The following KCNH8 variants were observed in gnomAD, a reference collection of about 807,000 sequenced individuals.
KCNH8 encodes the protein voltage-gated delayed rectifier potassium channel KCNH8.
Under a neutral mutation model 103.6 loss-of-function variants are expected in KCNH8, and 70 were observed. The ratio of observed to expected loss-of-function variants is 0.68; its 90% CI spans 0.56 to 0.82. The LOEUF (loss-of-function observed/expected upper bound fraction) is 0.82. Among genes scored for constraint, KCNH8 ranks in the 40% least tolerant of loss-of-function variants. The probability of loss-of-function intolerance (pLI) is 0.00; values close to 1 mark genes in which losing one functional copy is unlikely to be tolerated. For synonymous variants in KCNH8, 498 were observed against 489.4 expected, an observed-to-expected ratio of 1.02 and a Z score of -0.23; for missense variants, 1,217 against 1,329.9, an observed-to-expected ratio of 0.92 and a Z score of 1.32.
At chr3:19,512,131 T>C (rs1226186806) in intron 12 of KCNH8, among the ~76,000 whole-genome samples, 2 of 152,210 alleles carry the variant, frequency 1.3e-5, no homozygotes, top group Non-Finnish European at 2.9e-5. Context: ...AAGCCATGTC[T>C]GGGGCAAAGC....
chr3:19,480,048 T>C (rs2068056617), intron 11 of KCNH8, among the ~76,000 whole-genome samples: 1 of 152,224 alleles, frequency 6.6e-6, no homozygotes, highest in Non-Finnish European at 1.5e-5. Flanking sequence ...TTTAGTGTCT[T>C]ATGAGATTCC....
intron 3 of KCNH8, among the ~76,000 whole-genome samples, chr3:19,328,153 G>A (rs2065457159): frequency 6.6e-6 from 1 of 152,088 alleles, no homozygotes; most frequent in Non-Finnish European, 1.5e-5. Context: ...AATGCTTCAA[G>A]ATGTATTAAG....
At chr3:19,406,725 G>T (rs1298084325) in intron 7 of KCNH8, among the ~76,000 whole-genome samples, 1 of 152,090 alleles carries the variant, frequency 6.6e-6, no homozygotes, top group African/African-American at 2.4e-5. Flanking sequence ...GTTAGCATAA[G>T]AAAGGACTTT....
At chr3:19,444,798 C>T (rs550938035) in intron 8 of KCNH8, among the ~76,000 whole-genome samples, 7 of 151,800 alleles carry the variant, frequency 4.6e-5, no homozygotes, top group Admixed American at 4.6e-4. Flanking sequence ...AATTAGATAC[C>T]ATTTTTGTTC....
At chr3:19,326,416 G>A (rs1333772645) in intron 3 of KCNH8, among the ~76,000 whole-genome samples, 2 of 148,270 alleles carry the variant, frequency 1.3e-5, no homozygotes, top group Non-Finnish European at 3.0e-5. Flanking sequence ...GGAGGTAATG[G>A]TGTTGATATT....
At chr3:19,376,193 C>T (rs1035387517) in intron 5 of KCNH8, among the ~76,000 whole-genome samples, 49 of 152,240 alleles carry the variant, frequency 3.2e-4, no homozygotes, top group African/African-American at 1.2e-3. Context: ...CGCCCCTCCC[C>T]CAGCCTCGCT....
intron 3 of KCNH8, among the ~76,000 whole-genome samples, chr3:19,293,343 C>T (rs1157253508): frequency 6.6e-6 from 1 of 152,092 alleles, no homozygotes; most frequent in Non-Finnish European, 1.5e-5. Context: ...TTCCCCAAAC[C>T]CCTACAAGCA....
rs370681982 is a variant in KCNH8, at chr3:19,480,595, A to G, written c.2040+23613A>G. Reference sequence around the variant, plus strand: ...TGAGAGCTCTTATAGAAATGTCTTCATTCAGTAGAATAAAGACAACATTAG... The same window carrying G: ...TGAGAGCTCTTATAGAAATGTCTTCGTTCAGTAGAATAAAGACAACATTAG... On this transcript the variant is annotated intron_variant, in intron 11 of 15. Transcript: ENST00000328405. Among the ~76,000 whole-genome samples the G allele has an allele frequency of 3.9e-5, 6 of 152,374 alleles. No homozygotes were observed. The East Asian group carries it at 5.8e-4, about 15-fold the overall frequency.
At chr3:19,334,120 C>T (rs552876148) in intron 3 of KCNH8, among the ~76,000 whole-genome samples, 9 of 151,782 alleles carry the variant, frequency 5.9e-5, no homozygotes, top group East Asian at 2.0e-4. Context: ...ATTACAGTCC[C>T]GTATGGACCG....
chr3:19,305,189 A>G (rs2065114654), intron 3 of KCNH8, among the ~76,000 whole-genome samples: 1 of 152,202 alleles, frequency 6.6e-6, no homozygotes, highest in Non-Finnish European at 1.5e-5. Context: ...AGAAGACAGT[A>G]GAGCAATGTC....
intron 7 of KCNH8, among the ~76,000 whole-genome samples, chr3:19,412,586 A>G (rs1204395731): frequency 1.3e-5 from 2 of 152,126 alleles, no homozygotes; most frequent in African/African-American, 4.8e-5. Context: ...AACTACCAAC[A>G]GAATAAAAAG....
chr3:19,375,396 A>G (rs1275344647), intron 5 of KCNH8, among the ~76,000 whole-genome samples: 4 of 151,286 alleles, frequency 2.6e-5, no homozygotes, highest in Non-Finnish European at 4.4e-5. Flanking sequence ...AGTTGATTGC[A>G]TCGGCTCCTG....
chr3:19,363,707 G>T (rs189827522), intron 5 of KCNH8, among the ~76,000 whole-genome samples: 1 of 152,044 alleles, frequency 6.6e-6, no homozygotes, highest in Non-Finnish European at 1.5e-5. Flanking sequence ...CCCCAAAAAG[G>T]TACTTTAATT....
rs1387677666 is a variant in KCNH8 at position 19,258,943 on chromosome 3, CTCTCTATATATATATATA to C, written c.310+5058_310+5075del. 6.2e-4 allele frequency among the ~76,000 whole-genome samples: 33 copies of C among 53,420 alleles called. 1 individual carries two copies. Among genetic ancestry groups the C allele is most frequent in the Admixed American group, 2.2e-3 (11 of 4,948 alleles). 35.0% of individuals were successfully genotyped at this position (53,420 alleles called of 152,430 possible). A position where few individuals can be genotyped will look rare whatever the true frequency, so the allele number is the denominator to read the frequency against. ...TCTCTCTCTCTCTCTCTCTCTCTCT[CTCTCTATATATATATATA>C]TATATATATATATATATATATCTGG... On this transcript the variant is annotated intron_variant, in intron 2 of 15. Coordinates refer to ENST00000328405, the MANE Select transcript of KCNH8 (RefSeq NM_144633.3).
At chr3:19,378,546 T>G (rs2125122826) in intron 5 of KCNH8, among the ~76,000 whole-genome samples, 1 of 152,362 alleles carries the variant, frequency 6.6e-6, no homozygotes, top group East Asian at 1.9e-4. Context: ...GTATTTGTTC[T>G]TCGTTTCTTT....
intron 7 of KCNH8, among the ~76,000 whole-genome samples, chr3:19,410,550 G>A (rs2066760832): frequency 6.6e-6 from 1 of 151,684 alleles, no homozygotes; most frequent in Non-Finnish European, 1.5e-5. Flanking sequence ...AATCGGAGTG[G>A]AACTGAATAA....
chr3:19,405,070 T>G (rs544280804), intron 7 of KCNH8, among the ~76,000 whole-genome samples: 2 of 152,026 alleles, frequency 1.3e-5, no homozygotes, highest in East Asian at 1.9e-4. Context: ...GCATTTTAAT[T>G]GGAGTTAATT....
At chr3:19,307,152 CAG>C (rs1386397448) in intron 3 of KCNH8, among the ~76,000 whole-genome samples, 1 of 151,684 alleles carries the variant, frequency 6.6e-6, no homozygotes, top group African/African-American at 2.4e-5. Flanking sequence ...ACTCATATAA[CAG>C]GGGATTAATG....
chr3:19,256,899 A>C (rs1253159123), intron 2 of KCNH8, among the ~76,000 whole-genome samples: 1 of 152,078 alleles, frequency 6.6e-6, no homozygotes, highest in Non-Finnish European at 1.5e-5. Context: ...CATCTACCTT[A>C]GGCTAATCAT....
Sources: gnomAD v4.1 joint callset for allele counts (sites outside exome capture counted in the v4.1 genomes callset) on GRCh38, gnomAD v4.1.1 for gene constraint, MANE v1.5 for transcripts, NCBI Gene and HGNC (gene_info 2026-07-23, HGNC 2026-07-21) for gene names.